UBE2R2: variants seen among roughly 807,000 people sequenced by gnomAD.
The protein encoded by UBE2R2 is ubiquitin conjugating enzyme E2 R2.
In UBE2R2, 1 loss-of-function variant was observed where a neutral mutation model predicts 27.8. The observed-to-expected ratio is 0.04, with a 90% confidence interval of 0.01 to 0.17. The LOEUF (loss-of-function observed/expected upper bound fraction) is 0.17. Ranked by LOEUF, UBE2R2 falls within the 10% of genes least tolerant of loss-of-function variation. UBE2R2 has a pLI of 1.00. For missense variants in UBE2R2, 100 were observed against 291.0 expected, an observed-to-expected ratio of 0.34 and a Z score of 4.78; for synonymous variants, 106 against 113.3, an observed-to-expected ratio of 0.94 and a Z score of 0.41.
At chr9:33,834,192 C>CTTTTTTTTTTTTCT (rs144998603) in intron 1 of UBE2R2, among the ~76,000 whole-genome samples, 1 of 141,112 alleles carries the variant, frequency 7.1e-6, no homozygotes, top group Non-Finnish European at 1.5e-5. Flanking sequence ...CTTGGAGCTT[C>CTTTTTTTTTTTTCT]TTTTTTTTTT....
At chr9:33,885,614 C>T (rs1345350820) in intron 1 of UBE2R2, among the ~76,000 whole-genome samples, 1 of 152,180 alleles carries the variant, frequency 6.6e-6, no homozygotes, top group Non-Finnish European at 1.5e-5. Flanking sequence ...TTGGTTTTTA[C>T]TTTGAATGTG....
intron 1 of UBE2R2, among the ~76,000 whole-genome samples, chr9:33,845,500 G>A (rs900442775): frequency 9.9e-5 from 15 of 151,536 alleles, no homozygotes; most frequent in East Asian, 4.0e-4. Context: ...TGCCCACCTC[G>A]GCCTCCCAAA....
At chr9:33,866,483 C>T (rs1044423031) in intron 1 of UBE2R2, among the ~76,000 whole-genome samples, 4 of 152,192 alleles carry the variant, frequency 2.6e-5, no homozygotes, top group African/African-American at 9.6e-5. Flanking sequence ...AGGCGATCCA[C>T]CCGCCTAGGC....
Position 33,912,033 on chromosome 9 carries a change from T to C in UBE2R2, c.432T>C (p.Ala144=), listed in dbSNP as rs747099753. The C allele has an allele frequency of 6.2e-7, 1 of 1,613,720 alleles. No homozygotes were observed. The highest frequency in any genetic ancestry group is 8.5e-7 in the Non-Finnish European group (1 of 1,179,708). ...PNTFSPANVD[A]SVMFRKWRDS... is the part of the protein sequence containing the mutation. ...CCTTCTCCCCAGCCAATGTCGATGCTTCAGTTATGTTCAGGAAATGGAGAG... is the reference window on the plus strand; with the variant it reads ...CCTTCTCCCCAGCCAATGTCGATGCCTCAGTTATGTTCAGGAAATGGAGAG... The change falls in exon 4 of 5, where the codon GCT becomes GCC. Residue 144 remains alanine (A), a synonymous_variant. Transcript: ENST00000263228.
intron 2 of UBE2R2, among the ~76,000 whole-genome samples, chr9:33,897,338 C>T (rs1822136300): frequency 7.6e-6 from 1 of 131,902 alleles, no homozygotes; most frequent in African/African-American, 2.9e-5. Context: ...TTTTTGGAGA[C>T]AAGAGTTTCG....
chr9:33,915,280 G>A (rs1019734331), intron 4 of UBE2R2, among the ~76,000 whole-genome samples: 1 of 152,150 alleles, frequency 6.6e-6, no homozygotes, highest in African/African-American at 2.4e-5. Context: ...AAGAAGCAAT[G>A]CTCATTTATT....
chr9:33,885,578 A>G (rs902144321), intron 1 of UBE2R2, among the ~76,000 whole-genome samples: 11 of 152,180 alleles, frequency 7.2e-5, no homozygotes, highest in African/African-American at 2.7e-4. Flanking sequence ...AGCCCATTCT[A>G]TCCTCTCCAG....
intron 1 of UBE2R2, among the ~76,000 whole-genome samples, chr9:33,858,225 AAAGGT>A (rs752228724): frequency 2.0e-4 from 30 of 152,162 alleles, no homozygotes; most frequent in Non-Finnish European, 4.0e-4. Flanking sequence ...TTAGATTCCG[AAAGGT>A]AGCTTGCCAT....
chr9:33,816,803 A>AGAGCCGGGAGACCTGGGTTCCC (rs1359284063), upstream of UBE2R2, among the ~76,000 whole-genome samples: 1 of 152,226 alleles, frequency 6.6e-6, no homozygotes, highest in African/African-American at 2.4e-5. Context: ...GAGGGCCCCG[A>AGAGCCGGGAGACCTGGGTTCCC]GAGCCGGGAG....
chr9:33,902,627 A>T (rs1297561648), intron 3 of UBE2R2, among the ~76,000 whole-genome samples: 2 of 152,230 alleles, frequency 1.3e-5, no homozygotes, highest in African/African-American at 4.8e-5. Context: ...CAAGTAGTAC[A>T]TAATTTATCT....
At chr9:33,894,273 T>TA (rs897896023) in intron 2 of UBE2R2, among the ~76,000 whole-genome samples, 23 of 151,128 alleles carry the variant, frequency 1.5e-4, no homozygotes, top group South Asian at 4.2e-4. Context: ...TCTCTATATT[T>TA]AAAAAAAAAG....
chr9:33,847,222 G>A (rs561669451), intron 1 of UBE2R2, among the ~76,000 whole-genome samples: 7 of 151,748 alleles, frequency 4.6e-5, no homozygotes, highest in Admixed American at 3.3e-4. Context: ...TCTGCCTCCC[G>A]AGTAGCTGGG....
chr9:33,897,775 C>CTTTTTTT (rs35277355), intron 2 of UBE2R2, among the ~76,000 whole-genome samples: 30 of 127,950 alleles, frequency 2.3e-4, no homozygotes, highest in Middle Eastern at 4.1e-3. Context: ...TTTCTTTTTT[C>CTTTTTTT]TTTTTTTTTT....
chr9:33,877,823 G>GTCTGTCTGTCTGTCTGTCTCTCTCTCTC, intron 1 of UBE2R2, among the ~76,000 whole-genome samples: 41 of 131,120 alleles, frequency 3.1e-4, no homozygotes, highest in African/African-American at 1.3e-3. Context: ...CTGTCTGTCT[G>GTCTGTCTGTCTGTCTGTCTCTCTCTCTC]TCTCTCTCTC....
chr9:33,858,810 G>GTTTGTTTTGTTTTGT (rs377254347), intron 1 of UBE2R2, among the ~76,000 whole-genome samples: 12 of 151,612 alleles, frequency 7.9e-5, no homozygotes, highest in African/African-American at 2.9e-4. Flanking sequence ...TTATGGAGGA[G>GTTTGTTTTGTTTTGT]TTTGTTTTGT....
At chr9:33,898,067 G>A (rs1470719361) in intron 2 of UBE2R2, among the ~76,000 whole-genome samples, 1 of 151,838 alleles carries the variant, frequency 6.6e-6, no homozygotes, top group Non-Finnish European at 1.5e-5. Flanking sequence ...GAGCCACCAC[G>A]CCCGGCTCTC....
intron 1 of UBE2R2, among the ~76,000 whole-genome samples, chr9:33,865,330 G>A (rs988116825): frequency 2.6e-4 from 39 of 151,928 alleles, no homozygotes; most frequent in South Asian, 8.3e-4. Context: ...TCAGCCTCCC[G>A]AGTAGCTGGG....
chr9:33,830,431 A>G (rs954263426), intron 1 of UBE2R2, among the ~76,000 whole-genome samples: 1 of 145,228 alleles, frequency 6.9e-6, no homozygotes, highest in African/African-American at 2.5e-5. Flanking sequence ...TGCTGGGATT[A>G]CAGGCATGAG....
Position 33,917,133 on chromosome 9 carries a change from T to C in UBE2R2, c.613T>C (p.Leu205=), listed in dbSNP as rs376151379. The C allele has an allele frequency of 1.2e-6, 2 of 1,614,070 alleles. No homozygotes were observed. The highest frequency in any genetic ancestry group is 2.7e-5 in the African/African-American group (2 of 74,930). ...KVPSNDNSSD[L]LYDDLYDDDI... The stretch of plus-strand genomic sequence containing the variant: ...GCCTTCCAATGACAACAGCTCAGAT[T>C]TGCTTTACGACGACTTGTATGATGA... Residue 205 remains leucine (L), a synonymous_variant, in exon 5 of 5, where the codon TTG becomes CTG. Transcript: ENST00000263228.
Sources: allele counts gnomAD v4.1 joint callset (sites outside exome capture counted in the v4.1 genomes callset), GRCh38; gene constraint gnomAD v4.1.1; transcripts MANE v1.5; gene names NCBI Gene and HGNC (gene_info 2026-07-23, HGNC 2026-07-21).